Variants in NF2 observed in about 807,000 individuals in gnomAD.
NF2 encodes the protein merlin.
A neutral mutation model predicts 83.7 loss-of-function variants in NF2; 8 were observed. That is an observed-to-expected ratio of 0.10 (90% CI 0.06 to 0.17). NF2 has a LOEUF of 0.17. NF2 is among the 10% of genes least tolerant of loss of function. The pLI is 1.00. For missense variants in NF2, 533 were observed against 744.4 expected (o/e 0.72, Z 3.31); for synonymous variants, 266 against 269.6 (o/e 0.99, Z 0.13).
chr22:29,666,679 A>C (rs2066632851), intron 9 of NF2, among the ~76,000 whole-genome samples: 1 of 152,060 alleles, frequency 6.6e-6, no homozygotes, highest in Non-Finnish European at 1.5e-5. Context: ...AAAATTTTTA[A>C]ATAATAAAAA....
chr22:29,646,816 G>T (rs539556913), intron 4 of NF2, among the ~76,000 whole-genome samples: 1 of 152,264 alleles, frequency 6.6e-6, no homozygotes, highest in East Asian at 1.9e-4. Flanking sequence ...GGCCAAGGAG[G>T]ATGGATCACC....
chr22:29,677,005 A>T (rs557390628), intron 13 of NF2, among the ~76,000 whole-genome samples: 1 of 152,274 alleles, frequency 6.6e-6, no homozygotes, highest in African/African-American at 2.4e-5. Context: ...TTCTCTCAGC[A>T]CCCTTGCAGA....
At chr22:29,620,214 G>A (rs979011265) in intron 1 of NF2, among the ~76,000 whole-genome samples, 2 of 152,002 alleles carry the variant, frequency 1.3e-5, no homozygotes, top group Non-Finnish European at 2.9e-5. Flanking sequence ...AGCTGAGATC[G>A]CGTCACTGCA....
Position 29,661,324 on chromosome 22 carries a change from G to A in NF2, c.795G>A (p.Ser265=), listed in dbSNP as rs376609988. Residue 265 remains serine, a synonymous_variant, in exon 8 of 16, where the codon TCG becomes TCA. Transcript: ENST00000338641. ...SFPWNEIRNI[S]YSDKEFTIKP... ...CGTGGAATGAAATCCGAAACATCTC[G>A]TACAGTGACAAGGAGGTAGGACATG... The A allele has an allele frequency of 9.3e-6, 15 of 1,613,936 alleles. No individual in the cohort carries two copies. The highest frequency in any genetic ancestry group is 6.7e-5 in the African/African-American group (5 of 74,900).
intron 4 of NF2, among the ~76,000 whole-genome samples, chr22:29,652,696 T>C (rs780026040): frequency 1.3e-5 from 2 of 152,154 alleles, no homozygotes; most frequent in Non-Finnish European, 2.9e-5. Context: ...GTTTTACAGA[T>C]GAGAAAGCTG....
chr22:29,609,507 C>T lies in NF2; in HGVS notation c.114+5395C>T, dbSNP rs79381140. 644 of 268,170 alleles carry T rather than the reference C, an allele frequency of 2.4e-3. 6 individuals are homozygous for T. Among genetic ancestry groups the T allele is most frequent in the African/African-American group, 0.014 (621 of 44,362 alleles). The allele number at this position is 268,170 out of a possible 1,614,324, so 16.6% of individuals were successfully genotyped here. A position where few individuals can be genotyped will look rare whatever the true frequency, so the allele number is the denominator to read the frequency against. On this transcript the variant is annotated intron_variant, in intron 1 of 15. Transcript: ENST00000338641. The stretch of plus-strand genomic sequence containing the variant: ...AGAAAGATTCTCTTGATTGATGAAA[C>T]CTTAAGGAGCCCAATGTTTGTTTAT...
In NF2 at chr22:29,657,594, G is replaced by C. The variant is rs74541741; in HGVS notation, c.600-595G>C. ...AGAGGACAAGGTCATAGGGAGACTTGAGTTAAAATATTTCAGTATGATACC... is the reference window on the plus strand; with the variant it reads ...AGAGGACAAGGTCATAGGGAGACTTCAGTTAAAATATTTCAGTATGATACC... On this transcript the variant is annotated intron_variant, in intron 6 of 15. Coordinates refer to ENST00000338641, the MANE Select transcript of NF2 (RefSeq NM_000268.4). Among the ~76,000 whole-genome samples the C allele has an allele frequency of 4.6e-3, 695 of 152,292 alleles. 3 individuals carry two copies. Among genetic ancestry groups the C allele is most frequent in the African/African-American group, 0.016 (664 of 41,560 alleles).
At chr22:29,688,438 T>C (rs2067320442) in intron 15 of NF2, among the ~76,000 whole-genome samples, 1 of 152,236 alleles carries the variant, frequency 6.6e-6, no homozygotes, top group Non-Finnish European at 1.5e-5. Flanking sequence ...ATTTCTCTTT[T>C]GATGTTGGCA....
At chr22:29,674,168 G>A (rs1423982830) in intron 12 of NF2, among the ~76,000 whole-genome samples, 5 of 152,208 alleles carry the variant, frequency 3.3e-5, no homozygotes, top group Non-Finnish European at 7.3e-5. Flanking sequence ...TCCTCACCAC[G>A]CTTTGCATGT....
chr22:29,655,492 A>G, intron 5 of NF2, 102 bp from the exon 6 acceptor site: 1 of 868,158 alleles, frequency 1.2e-6, no homozygotes, highest in Non-Finnish European at 2.0e-6. Context: ...TTTTAAAAAT[A>G]GCTTTACTGT....
intron 1 of NF2, among the ~76,000 whole-genome samples, chr22:29,624,806 TTTCTTTCTTTCTTTCTTTC>T (rs1218650153): frequency 1.2e-3 from 44 of 36,276 alleles, no homozygotes; most frequent in South Asian, 5.6e-3. Flanking sequence ...GTCCTCTTTC[TTTCTTTCTTTCTTTCTTTC>T]TTTCTTTCTT....
rs373442542 is a variant in NF2 at position 29,678,219 on chromosome 22, G to T, written c.1470G>T (p.Pro490=). The T allele has an allele frequency of 5.6e-6, 9 of 1,613,936 alleles. No individual in the cohort carries two copies. The highest frequency in any genetic ancestry group is 1.3e-5 in the African/African-American group (1 of 74,894). The change falls in exon 14 of 16, where the codon CCG becomes CCT. Residue 490 remains proline, a synonymous_variant. Coordinates refer to ENST00000338641, the MANE Select transcript of NF2 (RefSeq NM_000268.4). The part of the protein sequence containing the change: ...TYPPMNPIPA[P]LPPDIPSFNL... The stretch of plus-strand genomic sequence containing the variant: ...AGCCCATGAACCCAATTCCAGCACC[G>T]TTGCCTCCTGACATACCAAGCTTCA...
At position 29,690,308 on chromosome 22, in the gene NF2, G is replaced by A. The variant is rs147741152; in HGVS notation, c.1738-4444G>A. Among the ~76,000 whole-genome samples the A allele has an allele frequency of 2.0e-5, 3 of 152,294 alleles. No homozygotes were observed. The East Asian group carries it at 5.8e-4, about 29-fold the overall frequency. ...GTAGACAGATGTGTCTCCTGAATCT[G>A]AACTTGTTTAGATTGGGTGGATGTG... On this transcript the variant is annotated intron_variant, in intron 15 of 15. Coordinates refer to ENST00000338641, the MANE Select transcript of NF2 (RefSeq NM_000268.4).
At chr22:29,664,836 C>A (rs955131233) in intron 8 of NF2, among the ~76,000 whole-genome samples, 154 bp from the exon 9 acceptor site, 3 of 152,216 alleles carry the variant, frequency 2.0e-5, no homozygotes, top group African/African-American at 7.2e-5. Flanking sequence ...GCTCCTAATT[C>A]CCTGAGGTTT....
chr22:29,659,957 A>C lies in NF2; in HGVS notation c.676-1248A>C, dbSNP rs191244168. ...TAAAAAGATTTATGCTGGAGTACTCACTCCTCAGTCTGATATCTGCTGTTA... is the reference window on the plus strand; with the variant it reads ...TAAAAAGATTTATGCTGGAGTACTCCCTCCTCAGTCTGATATCTGCTGTTA... On this transcript the variant is annotated intron_variant, in intron 7 of 15. Transcript: ENST00000338641. Among the ~76,000 whole-genome samples, 22 of 152,036 alleles carry C rather than the reference A, an allele frequency of 1.4e-4. No homozygotes were observed. The East Asian group carries it at 4.3e-3, about 29-fold the overall frequency.
chr22:29,656,317 T>C (rs916090870), intron 6 of NF2, among the ~76,000 whole-genome samples: 9 of 152,188 alleles, frequency 5.9e-5, no homozygotes, highest in Non-Finnish European at 1.2e-4. Flanking sequence ...GGCATTTGAG[T>C]ATCTGTAGGT....
chr22:29,634,880 G>A (rs1265863399), intron 1 of NF2, among the ~76,000 whole-genome samples: 28 of 152,164 alleles, frequency 1.8e-4, no homozygotes, highest in Admixed American at 1.8e-3. Context: ...CCTTAAAAAC[G>A]AGGAAGGAGA....
At chr22:29,646,800 T>G (rs1484778911) in intron 4 of NF2, among the ~76,000 whole-genome samples, 2 of 152,132 alleles carry the variant, frequency 1.3e-5, no homozygotes, top group Non-Finnish European at 2.9e-5. Flanking sequence ...TCCTAGCACT[T>G]TGGGAGGCCA....
At chr22:29,623,219 A>G (rs1327371733) in intron 1 of NF2, among the ~76,000 whole-genome samples, 2 of 152,180 alleles carry the variant, frequency 1.3e-5, no homozygotes, top group African/African-American at 2.4e-5. Flanking sequence ...TGCTGGGATT[A>G]CAGGCATGAG....
Sources: allele counts gnomAD v4.1 joint callset (sites outside exome capture counted in the v4.1 genomes callset), GRCh38; gene constraint gnomAD v4.1.1; transcripts MANE v1.5; gene names NCBI Gene and HGNC (gene_info 2026-07-23, HGNC 2026-07-21).